The following ZNF251 variants were observed in gnomAD, a reference collection of about 807,000 sequenced individuals.
ZNF251 encodes the protein zinc finger protein 251.
Under a neutral mutation model 13.5 loss-of-function variants are expected in ZNF251, and 14 were observed. That is an observed-to-expected ratio of 1.04 (90% CI 0.69 to 1.63). The LOEUF (loss-of-function observed/expected upper bound fraction) is 1.63. ZNF251 is among the 40% of genes most tolerant of loss of function. ZNF251 has a pLI of 0.00. For synonymous variants in ZNF251, 287 were observed against 295.2 expected (o/e 0.97, Z 0.28); for missense variants, 764 against 834.9 (o/e 0.92, Z 1.05).
intron 4 of ZNF251, chr8:144,730,221 G>T: frequency 1.7e-6 from 1 of 595,234 alleles, no homozygotes; most frequent in Non-Finnish European, 2.1e-6. Flanking sequence ...GCCAATCCCT[G>T]GACTGAAAGA....
chr8:144,755,336 G>T (rs1344094983), intron 1 of ZNF251, 69 bp downstream of exon 1: 5 of 1,249,068 alleles, frequency 4.0e-6, no homozygotes, highest in Non-Finnish European at 5.2e-6. Context: ...CCGCCTCCCC[G>T]CGCCCTCCCC....
At position 144,721,464 on chromosome 8, in the gene ZNF251, G is replaced by T; in HGVS notation, c.*180C>A. ...GCAGTAACCTTTACACAGACAGCCTGATTTCCCAGAATGAATTCTCGTGTT... is the reference window on the plus strand; with the variant it reads ...GCAGTAACCTTTACACAGACAGCCTTATTTCCCAGAATGAATTCTCGTGTT... On this transcript the variant is annotated 3_prime_UTR_variant, in exon 5 of 5. Transcript: ENST00000292562. 1 of 613,476 alleles carries T rather than the reference G, an allele frequency of 1.6e-6. No individual in the cohort carries two copies. The highest frequency in any genetic ancestry group is 2.4e-6 in the Non-Finnish European group (1 of 421,396). The allele number at this position is 613,476 out of a possible 1,614,324, so 38.0% of individuals were successfully genotyped here. A position where few individuals can be genotyped will look rare whatever the true frequency, so the allele number is the denominator to read the frequency against.
chr8:144,721,399 T>TA lies in ZNF251; in HGVS notation c.*244dup. 1 of 417,196 alleles carries TA rather than the reference T, an allele frequency of 2.4e-6. No homozygotes were observed. The highest frequency in any genetic ancestry group is 4.4e-5 in the Admixed American group (1 of 22,806). 25.8% of individuals were successfully genotyped at this position (417,196 alleles called of 1,614,324 possible). A position where few individuals can be genotyped will look rare whatever the true frequency, so the allele number is the denominator to read the frequency against. On this transcript the variant is annotated 3_prime_UTR_variant, in exon 5 of 5. Transcript: ENST00000292562. ...ACGCCCTCCATCCATTCGTCATGAG[T>TA]ATCCGGATACAGCACCACACGGTTC...
chr8:144,754,094 G>A, intron 3 of ZNF251, 98 bp downstream of exon 3: 1 of 1,487,234 alleles, frequency 6.7e-7, no homozygotes, highest in South Asian at 1.3e-5. Flanking sequence ...GGGGACAAGG[G>A]GCAGGACCCT....
intron 4 of ZNF251, among the ~76,000 whole-genome samples, chr8:144,747,085 T>C (rs1487607751): frequency 6.6e-6 from 1 of 152,250 alleles, no homozygotes; most frequent in Admixed American, 6.5e-5. Flanking sequence ...CATTTTCTAA[T>C]ACATGCAGTC....
chr8:144,749,881 TTTC>T (rs201732179), intron 4 of ZNF251, among the ~76,000 whole-genome samples: 3,594 of 134,684 alleles, frequency 0.027, 121 homozygotes, highest in African/African-American at 0.099. Context: ...TTTTCTTTTT[TTTC>T]TTTTTTTTTT....
At chr8:144,726,639 G>A (rs1318096369) in intron 4 of ZNF251, among the ~76,000 whole-genome samples, 2 of 152,186 alleles carry the variant, frequency 1.3e-5, no homozygotes, top group African/African-American at 4.8e-5. Context: ...GGGAGGCCGA[G>A]GCGGGTGGAT....
rs1168495446 is a variant in ZNF251, at chr8:144,744,009, CTTTT to C, written c.277+9670_277+9673del. Among the ~76,000 whole-genome samples the C allele has an allele frequency of 1.5e-3, 133 of 88,830 alleles. 1 individual carries two copies. The highest frequency in any genetic ancestry group is 2.3e-3 in the Non-Finnish European group (107 of 47,324). The allele number at this position is 88,830 out of a possible 152,430, so 58.3% of individuals were successfully genotyped here. A position where few individuals can be genotyped will look rare whatever the true frequency, so the allele number is the denominator to read the frequency against. ...GGACTGTTTCTCATTCTCTCGTTGT[CTTTT>C]TTTTTTTTTTTTTTTTTGGAGATGG... On this transcript the variant is annotated intron_variant, in intron 4 of 4. Coordinates refer to ENST00000292562, the MANE Select transcript of ZNF251 (RefSeq NM_138367.2).
At position 144,732,752 on chromosome 8, in the gene ZNF251, C is replaced by T. The variant is rs574358413; in HGVS notation, c.278-9370G>A. On this transcript the variant is annotated intron_variant, in intron 4 of 4. Coordinates refer to ENST00000292562, the MANE Select transcript of ZNF251 (RefSeq NM_138367.2). ...GCGTGAACCCGGGAGGCGGAGCTTG[C>T]AGTGAGCCAAGATCGCACCACTGCA... Among the ~76,000 whole-genome samples, 340 of 144,352 alleles carry T rather than the reference C, an allele frequency of 2.4e-3. 2 individuals are homozygous for T. Among genetic ancestry groups the T allele is most frequent in the Middle Eastern group, 0.016 (4 of 250 alleles). The allele number at this position is 144,352 out of a possible 152,430, so 94.7% of individuals were successfully genotyped here.
At chr8:144,753,499 A>C in intron 4 of ZNF251, 184 bp downstream of exon 4, 2 of 561,336 alleles carry the variant, frequency 3.6e-6, no homozygotes, top group Non-Finnish European at 6.3e-6. Context: ...AAAGAAACAG[A>C]CCAGCAAGAT....
intron 4 of ZNF251, among the ~76,000 whole-genome samples, chr8:144,753,277 A>G (rs1235864179): frequency 1.5e-5 from 2 of 129,332 alleles, no homozygotes; most frequent in African/African-American, 6.5e-5. Flanking sequence ...CTGTCTCGAA[A>G]AAAAAAAAAA....
In ZNF251 at chr8:144,737,674, T is replaced by C. The variant is rs574803442; in HGVS notation, c.278-14292A>G. Among the ~76,000 whole-genome samples the C allele has an allele frequency of 1.5e-3, 229 of 150,556 alleles. 1 individual carries two copies. Among genetic ancestry groups the C allele is most frequent in the African/African-American group, 5.3e-3 (215 of 40,878 alleles). On this transcript the variant is annotated intron_variant, in intron 4 of 4. Coordinates refer to ENST00000292562, the MANE Select transcript of ZNF251 (RefSeq NM_138367.2). ...GGTGAAACCCCGTCTCTACTAAAAA[T>C]AGAAGAAATTAGCCAGGCGTGGTGG...
rs866487603 is a variant in ZNF251, at chr8:144,749,880, T to C, written c.277+3803A>G. ...TTAAAATTTCTTTTTCTTTTCTTTT[T>C]TTTCTTTTTTTTTTTTTTTTAAGAA... On this transcript the variant is annotated intron_variant, in intron 4 of 4. Transcript: ENST00000292562. Among the ~76,000 whole-genome samples, 760 of 133,286 alleles carry C rather than the reference T, an allele frequency of 5.7e-3. 7 individuals carry two copies. The highest frequency in any genetic ancestry group is 0.021 in the African/African-American group (718 of 33,440). The allele number at this position is 133,286 out of a possible 152,430, so 87.4% of individuals were successfully genotyped here. A position where few individuals can be genotyped will look rare whatever the true frequency, so the allele number is the denominator to read the frequency against.
intron 4 of ZNF251, among the ~76,000 whole-genome samples, chr8:144,751,548 A>G (rs1450824614): frequency 3.9e-5 from 6 of 152,334 alleles, no homozygotes; most frequent in Non-Finnish European, 7.4e-5. Flanking sequence ...AATCACTGTA[A>G]AAAATAATGC....
chr8:144,724,187 G>A (rs532750619), intron 4 of ZNF251, among the ~76,000 whole-genome samples: 63 of 150,058 alleles, frequency 4.2e-4, no homozygotes, highest in African/African-American at 1.4e-3. Flanking sequence ...GAGCGAACCC[G>A]GGAGGCAGAG....
chr8:144,727,925 G>C (rs1823565357), intron 4 of ZNF251, among the ~76,000 whole-genome samples: 1 of 152,112 alleles, frequency 6.6e-6, no homozygotes, highest in South Asian at 2.1e-4. Context: ...CGATCCTCCT[G>C]TCTCAGCCTC....
Position 144,723,378 on chromosome 8 carries a change from A to C in ZNF251, c.282T>G (p.Ser94=). ...ATAGTTCCTTCTTGGTCCCAACCTC[A>C]GAATCTGTTAAAGAAAAATATAAAT... ...PDILKSCQKD[S]EVGTKKELSI... is the part of the protein sequence containing the mutation. The change falls in exon 5 of 5, where the codon TCT becomes TCG. Residue 94 remains serine, a synonymous_variant. Coordinates refer to ENST00000292562, the MANE Select transcript of ZNF251 (RefSeq NM_138367.2). The C allele has an allele frequency of 6.8e-7, 1 of 1,468,238 alleles. No homozygotes were observed. The highest frequency in any genetic ancestry group is 9.0e-7 in the Non-Finnish European group (1 of 1,112,600). The allele number at this position is 1,468,238 out of a possible 1,614,324, so 91.0% of individuals were successfully genotyped here.
chr8:144,732,709 G>A (rs1463971569), intron 4 of ZNF251, among the ~76,000 whole-genome samples: 9 of 151,926 alleles, frequency 5.9e-5, no homozygotes, highest in Non-Finnish European at 1.2e-4. Flanking sequence ...CTACTTGGGA[G>A]GCTGAGGCAG....
At chr8:144,736,491 ATTT>A (rs1287262822) in intron 4 of ZNF251, among the ~76,000 whole-genome samples, 2 of 140,328 alleles carry the variant, frequency 1.4e-5, no homozygotes, top group Non-Finnish European at 3.0e-5. Flanking sequence ...TTATTTATTT[ATTT>A]ATTTATTTAT....
Sources: allele counts gnomAD v4.1 joint callset (sites outside exome capture counted in the v4.1 genomes callset), GRCh38; gene constraint gnomAD v4.1.1; transcripts MANE v1.5; gene names NCBI Gene and HGNC (gene_info 2026-07-23, HGNC 2026-07-21).